Variants in SFXN2 observed in about 807,000 individuals in gnomAD.
The protein encoded by SFXN2 is sideroflexin-2.
In SFXN2, 37 loss-of-function variants were observed where a neutral mutation model predicts 41.9. That is an observed-to-expected ratio of 0.88 (90% CI 0.68 to 1.16). SFXN2 has a LOEUF of 1.16. SFXN2 is among the 50% of genes most tolerant of loss of function. The pLI, the probability that SFXN2 is intolerant of heterozygous loss-of-function variation, is 0.00. For synonymous variants in SFXN2, 150 were observed against 156.7 expected, an observed-to-expected ratio of 0.96 and a Z score of 0.32; for missense variants, 386 against 425.2, an observed-to-expected ratio of 0.91 and a Z score of 0.81.
At chr10:102,721,801 T>A (rs73344458) in intron 1 of SFXN2, among the ~76,000 whole-genome samples, 4,581 of 152,166 alleles carry the variant, frequency 0.03, 253 homozygotes, top group African/African-American at 0.1. Context: ...GAACTCCATG[T>A]TGCCCCATGT....
intron 1 of SFXN2, chr10:102,715,370 G>A (rs957992078): frequency 1.3e-5 from 2 of 152,442 alleles, no homozygotes; most frequent in Admixed American, 6.5e-5. Flanking sequence ...TTGCTAAGCT[G>A]CTTTGGACAG....
chr10:102,741,603 C>G lies in SFXN2; in HGVS notation c.*3841C>G, dbSNP rs749805326. 6.6e-6 allele frequency: 1 copy of G among 152,266 alleles called. No homozygotes were observed. The highest frequency in any genetic ancestry group is 6.5e-5 in the Admixed American group (1 of 15,286). The allele number at this position is 152,266 out of a possible 1,614,324, so 9.4% of individuals were successfully genotyped here. A position where few individuals can be genotyped will look rare whatever the true frequency, so the allele number is the denominator to read the frequency against. ...AATTTTTTGTAGACAGAGGGCCTCA[C>G]TATGTTTCCCAGGTTGGTCTTGAAC... is the stretch of plus-strand genomic sequence containing the variant. On this transcript the variant is annotated 3_prime_UTR_variant, in exon 12 of 12. Coordinates refer to ENST00000369893, the MANE Select transcript of SFXN2 (RefSeq NM_178858.6).
At chr10:102,726,548 T>A (rs2064595463) in intron 1 of SFXN2, 64 bp from the exon 2 acceptor site, 1 of 1,543,496 alleles carries the variant, frequency 6.5e-7, no homozygotes, top group Non-Finnish European at 8.8e-7. Context: ...CAGTGGGACG[T>A]GCTCAGGTCC....
chr10:102,723,229 G>A (rs1590141645), intron 1 of SFXN2, among the ~76,000 whole-genome samples: 1 of 148,934 alleles, frequency 6.7e-6, no homozygotes, highest in East Asian at 2.0e-4. Context: ...ACAGATGTGA[G>A]CTACCATGCC....
chr10:102,721,593 AAATT>A (rs2064509917), intron 1 of SFXN2, among the ~76,000 whole-genome samples: 1 of 147,638 alleles, frequency 6.8e-6, no homozygotes, highest in South Asian at 2.1e-4. Context: ...CTATATCTAT[AAATT>A]TAAAAAATTA....
Position 102,740,758 on chromosome 10 carries a change from G to C in SFXN2, c.*2996G>C, listed in dbSNP as rs1842773680. Reference sequence around the variant, plus strand: ...AGCATATGCAATTTGATTTTAGCTGGTGTCTGAACAGAAAAGTCTGTCTTT... The same window carrying C: ...AGCATATGCAATTTGATTTTAGCTGCTGTCTGAACAGAAAAGTCTGTCTTT... On this transcript the variant is annotated 3_prime_UTR_variant, in exon 12 of 12. Transcript: ENST00000369893. 1 of 152,160 alleles carries C rather than the reference G, an allele frequency of 6.6e-6. No homozygotes were observed. Among genetic ancestry groups the C allele is most frequent in the Non-Finnish European group, 1.5e-5 (1 of 68,024 alleles). 9.4% of individuals were successfully genotyped at this position (152,160 alleles called of 1,614,324 possible). A position where few individuals can be genotyped will look rare whatever the true frequency, so the allele number is the denominator to read the frequency against.
At chr10:102,723,798 T>A (rs2064547685) in intron 1 of SFXN2, among the ~76,000 whole-genome samples, 2 of 152,220 alleles carry the variant, frequency 1.3e-5, no homozygotes, top group South Asian at 4.1e-4. Context: ...TCTATTAGTA[T>A]AATTGCATTA....
chr10:102,720,312 A>C (rs1412915981), intron 1 of SFXN2, among the ~76,000 whole-genome samples: 1 of 150,450 alleles, frequency 6.6e-6, no homozygotes, highest in Admixed American at 6.6e-5. Context: ...AAAAAAAAAA[A>C]AAAAACCCAT....
intron 1 of SFXN2, among the ~76,000 whole-genome samples, chr10:102,721,415 A>G (rs1003004974): frequency 2.7e-5 from 4 of 150,414 alleles, no homozygotes; most frequent in Non-Finnish European, 5.9e-5. Flanking sequence ...CTATATAGAT[A>G]GATCAACATA....
intron 1 of SFXN2, among the ~76,000 whole-genome samples, chr10:102,720,867 G>C (rs2064499088): frequency 6.6e-6 from 1 of 152,128 alleles, no homozygotes; most frequent in Non-Finnish European, 1.5e-5. Flanking sequence ...CCATCTTCCA[G>C]CTCTTCAGAC....
intron 1 of SFXN2, among the ~76,000 whole-genome samples, chr10:102,721,435 CAT>C (rs1159167670): frequency 6.7e-6 from 1 of 148,874 alleles, no homozygotes; most frequent in African/African-American, 2.5e-5. Flanking sequence ...ATATTTATAA[CAT>C]ATAAAGTTAT....
chr10:102,733,605 T>G lies in SFXN2; in HGVS notation c.821+2T>G, dbSNP rs2064734196. ...GCAGGTCATGCTGAGCGGGTGCTTG[T>G]AAGTATCATATTTTGATGATTTGGG... On this transcript the variant is annotated splice_donor_variant, in intron 10 of 11. Coordinates refer to ENST00000369893, the MANE Select transcript of SFXN2 (RefSeq NM_178858.6). LOFTEE classifies it high-confidence loss of function. 1 of 1,613,596 alleles carries G rather than the reference T, an allele frequency of 6.2e-7. No individual in the cohort carries two copies. The highest frequency in any genetic ancestry group is 1.7e-5 in the Admixed American group (1 of 60,000).
chr10:102,737,796 A>T lies in SFXN2; in HGVS notation c.*34A>T. On this transcript the variant is annotated 3_prime_UTR_variant, in exon 12 of 12. Coordinates refer to ENST00000369893, the MANE Select transcript of SFXN2 (RefSeq NM_178858.6). ...CTTCAGCAAGGACCAGTCTATTCCC[A>T]TATTCACCAGCTCCTCCTTAGCTAC... 2 of 1,449,718 alleles carry T rather than the reference A, an allele frequency of 1.4e-6. No individual in the cohort carries two copies. The highest frequency in any genetic ancestry group is 1.9e-6 in the Non-Finnish European group (2 of 1,035,346). 89.8% of individuals were successfully genotyped at this position (1,449,718 alleles called of 1,614,324 possible). A position where few individuals can be genotyped will look rare whatever the true frequency, so the allele number is the denominator to read the frequency against.
At chr10:102,737,034 A>G (rs1225175690) in intron 11 of SFXN2, among the ~76,000 whole-genome samples, 3 of 152,040 alleles carry the variant, frequency 2.0e-5, no homozygotes, top group Non-Finnish European at 4.4e-5. Context: ...CATGCCTGTA[A>G]TCCCAGCTAC....
chr10:102,736,206 C>T (rs1429015731), intron 11 of SFXN2, among the ~76,000 whole-genome samples: 1 of 152,146 alleles, frequency 6.6e-6, no homozygotes, highest in Non-Finnish European at 1.5e-5. Context: ...CTCTTCCTGC[C>T]AGCTGGGTTA....
At position 102,735,871 on chromosome 10, in the gene SFXN2, C is replaced by T. The variant is rs967233505; in HGVS notation, c.831C>T (p.Phe277=). The T allele has an allele frequency of 3.1e-6, 5 of 1,614,180 alleles. No homozygotes were observed. The highest frequency in any genetic ancestry group is 1.6e-4 in the Middle Eastern group (1 of 6,062). ...TTCTCCTTTCTTGCAGCCTCATCTT[C>T]ATGGTGCCAGTGGCGTGTGGGCTTT... ...QVMLSGCFLI[F]MVPVACGLFP... Residue 277 remains phenylalanine (F), a synonymous_variant, in exon 11 of 12, where the codon TTC becomes TTT. Transcript: ENST00000369893.
At chr10:102,724,547 C>CA (rs1376352981) in intron 1 of SFXN2, among the ~76,000 whole-genome samples, 1 of 152,004 alleles carries the variant, frequency 6.6e-6, no homozygotes, top group Non-Finnish European at 1.5e-5. Context: ...ACTAAAAATA[C>CA]AAAAAATAGC....
intron 1 of SFXN2, among the ~76,000 whole-genome samples, chr10:102,718,918 CTTTTTTTT>C (rs34471332): frequency 2.3e-4 from 17 of 74,294 alleles, no homozygotes; most frequent in South Asian, 5.9e-4. Context: ...TTCTCGGCTT[CTTTTTTTT>C]TTTTTTTTTT....
chr10:102,731,852 G>T, intron 7 of SFXN2, 69 bp downstream of exon 7: 1 of 1,399,302 alleles, frequency 7.1e-7, no homozygotes, highest in South Asian at 1.2e-5. Context: ...CTCCTTAGTG[G>T]TCAGAGTAGG....
Sources: allele counts gnomAD v4.1 joint callset (sites outside exome capture counted in the v4.1 genomes callset), GRCh38; gene constraint gnomAD v4.1.1; transcripts MANE v1.5; gene names NCBI Gene and HGNC (gene_info 2026-07-23, HGNC 2026-07-21).